Variants in ZNF514 observed in about 807,000 individuals in gnomAD.
The protein encoded by ZNF514 is zinc finger protein 514.
Under a neutral mutation model 9.7 loss-of-function variants are expected in ZNF514, and 12 were observed. The ratio of observed to expected loss-of-function variants is 1.24; its 90% CI spans 0.79 to 2.01. ZNF514 has a LOEUF of 2.01. ZNF514 is among the 30% of genes most tolerant of loss of function. The probability of loss-of-function intolerance (pLI) is 0.00; values close to 1 mark genes in which losing one functional copy is unlikely to be tolerated. For missense variants in ZNF514, 467 were observed against 465.5 expected (o/e 1.00, Z -0.03); for synonymous variants, 158 against 163.7 (o/e 0.97, Z 0.27).
At chr2:95,126,544 T>C in the ZNF514 span, among the ~76,000 whole-genome samples, 1 of 152,122 alleles carries the variant, frequency 6.6e-6, no homozygotes, top group Non-Finnish European at 1.5e-5. Flanking sequence ...CCCATTTTTT[T>C]TAGCTGCTCT....
the ZNF514 span, among the ~76,000 whole-genome samples, chr2:95,130,415 A>G: frequency 2.0e-5 from 3 of 152,200 alleles, no homozygotes; most frequent in Non-Finnish European, 4.4e-5. Context: ...TTTTGAGATC[A>G]ACGGGTCTGA....
chr2:95,159,675 GCGCCAGCC>G lies in ZNF514; in HGVS notation c.-539_-532del, dbSNP rs1198585535. 2.4e-4 allele frequency: 15 copies of G among 62,246 alleles called. No homozygotes were observed. The highest frequency in any genetic ancestry group is 9.4e-4 in the African/African-American group (13 of 13,774). The allele number at this position is 62,246 out of a possible 1,614,324, so 3.9% of individuals were successfully genotyped here. ...CGCGCCAGCCCCCGCCCGCCACCCC[GCGCCAGCC>G]CCCGCGTCCGCCCCGCGCCAGCCCC... On this transcript the variant is annotated 5_prime_UTR_variant, in exon 1 of 5. Transcript: ENST00000295208.
chr2:95,132,867 C>CAAAA, the ZNF514 span, among the ~76,000 whole-genome samples: 1 of 66,690 alleles, frequency 1.5e-5, no homozygotes, highest in African/African-American at 6.4e-5. Flanking sequence ...GACTCCATCT[C>CAAAA]AAAAAAAAAA....
In ZNF514 at chr2:95,159,568, G is replaced by C. The variant is rs147332807; in HGVS notation, c.-424C>G. 2,949 of 148,056 alleles carry C rather than the reference G, an allele frequency of 0.02. 52 individuals are homozygous for C. The highest frequency in any genetic ancestry group is 0.035 in the Middle Eastern group (10 of 284). The allele number at this position is 148,056 out of a possible 1,614,324, so 9.2% of individuals were successfully genotyped here. ...ACAGGTCTGCGCGCCCGCAGTCTCC[G>C]AACGCTCACAGGACCAGGCCCCGCC... is the stretch of plus-strand genomic sequence containing the variant. On this transcript the variant is annotated 5_prime_UTR_variant, in exon 1 of 5. Coordinates refer to ENST00000295208, the MANE Select transcript of ZNF514 (RefSeq NM_032788.3).
Position 95,159,810 on chromosome 2 carries a change from G to GA in ZNF514, c.-667dup, listed in dbSNP as rs1385415313. Among the ~76,000 whole-genome samples the GA allele has an allele frequency of 1.3e-5, 2 of 151,584 alleles. No individual in the cohort carries two copies. The highest frequency in any genetic ancestry group is 2.4e-5 in the African/African-American group (1 of 41,362). ...ACGCGGCCGCCGCCGGGGCCCTTCA[G>GA]AGCCAGCGCCGGTGGCGGGGTGCTG... On this transcript the variant is annotated 5_prime_UTR_variant, in exon 1 of 5. Transcript: ENST00000295208.
the ZNF514 span, among the ~76,000 whole-genome samples, chr2:95,136,527 A>G: frequency 6.6e-6 from 1 of 151,810 alleles, no homozygotes; most frequent in Non-Finnish European, 1.5e-5. Context: ...GATTACAACC[A>G]TGAGCCACCA....
chr2:95,135,252 CTT>C, the ZNF514 span, among the ~76,000 whole-genome samples: 3 of 151,918 alleles, frequency 2.0e-5, no homozygotes, highest in Non-Finnish European at 4.4e-5. Context: ...TTATTTATAT[CTT>C]CTTTAATTTC....
chr2:95,158,758 C>G, intron 1 of ZNF514: 1 of 1,169,220 alleles, frequency 8.6e-7, no homozygotes, highest in Non-Finnish European at 1.1e-6. Flanking sequence ...CCGCCACGGT[C>G]ATCTAGAGAC....
At chr2:95,128,389 T>G in the ZNF514 span, among the ~76,000 whole-genome samples, 1 of 101,988 alleles carries the variant, frequency 9.8e-6, no homozygotes, top group South Asian at 3.4e-4. Context: ...AGGCTTCGTC[T>G]CAAAAAAAAA....
At chr2:95,150,644 A>G (rs1341644957) in intron 4 of ZNF514, among the ~76,000 whole-genome samples, 2 of 152,224 alleles carry the variant, frequency 1.3e-5, no homozygotes, top group African/African-American at 2.4e-5. Context: ...TACAGATTCT[A>G]TATTCTCACA....
At chr2:95,136,531 G>A in the ZNF514 span, among the ~76,000 whole-genome samples, 1 of 151,448 alleles carries the variant, frequency 6.6e-6, no homozygotes, top group Non-Finnish European at 1.5e-5. Context: ...ACAACCATGA[G>A]CCACCACACC....
At chr2:95,139,938 T>C in the ZNF514 span, among the ~76,000 whole-genome samples, 2 of 152,018 alleles carry the variant, frequency 1.3e-5, no homozygotes, top group Non-Finnish European at 2.9e-5. Flanking sequence ...AAAAGTATGT[T>C]GGGGAGGCAG....
At chr2:95,151,335 C>G (rs1316413009) in intron 4 of ZNF514, among the ~76,000 whole-genome samples, 1 of 152,178 alleles carries the variant, frequency 6.6e-6, no homozygotes, top group East Asian at 1.9e-4. Flanking sequence ...CACTTTCAGT[C>G]AAGTAATCTG....
chr2:95,132,956 A>G, the ZNF514 span, among the ~76,000 whole-genome samples: 1 of 152,116 alleles, frequency 6.6e-6, no homozygotes, highest in South Asian at 2.1e-4. Flanking sequence ...AGATAAATGG[A>G]AACTCCTATT....
chr2:95,129,866 C>G, the ZNF514 span, among the ~76,000 whole-genome samples: 2 of 152,104 alleles, frequency 1.3e-5, no homozygotes, highest in Non-Finnish European at 2.9e-5. Context: ...CTCTTAAGAA[C>G]AGTGATTTTG....
the ZNF514 span, among the ~76,000 whole-genome samples, chr2:95,137,901 G>A: frequency 1.3e-5 from 2 of 152,116 alleles, no homozygotes; most frequent in Admixed American, 6.6e-5. Flanking sequence ...CTGGATCATG[G>A]GTGTGGAGTT....
rs1673369559 is a variant in ZNF514 at position 95,146,724 on chromosome 2, G to A, written c.*2558C>T. 6.6e-6 allele frequency among the ~76,000 whole-genome samples: 1 copy of A among 151,544 alleles called. No individual in the cohort carries two copies. Among genetic ancestry groups the A allele is most frequent in the Non-Finnish European group, 1.5e-5 (1 of 67,936 alleles). ...ATATGGCAAGGATACATGAGAAGAG[G>A]AGACAGATTTTGGACGAAGACCAGT... On this transcript the variant is annotated 3_prime_UTR_variant, in exon 5 of 5. Transcript: ENST00000295208.
chr2:95,129,317 A>G, the ZNF514 span, among the ~76,000 whole-genome samples: 74 of 152,178 alleles, frequency 4.9e-4, no homozygotes, highest in Non-Finnish European at 8.2e-4. Context: ...AATAAGAACA[A>G]AAGAGTCCAT....
the ZNF514 span, among the ~76,000 whole-genome samples, chr2:95,136,623 G>GAA: frequency 1.4e-5 from 2 of 142,034 alleles, no homozygotes; most frequent in Non-Finnish European, 1.5e-5. Context: ...CTCCTAACAG[G>GAA]AAAAAAAAAA....
Sources: allele counts gnomAD v4.1 joint callset (sites outside exome capture counted in the v4.1 genomes callset), GRCh38; gene constraint gnomAD v4.1.1; transcripts MANE v1.5; gene names NCBI Gene and HGNC (gene_info 2026-07-23, HGNC 2026-07-21).